Variants in HS6ST3 observed in about 807,000 individuals in gnomAD.
HS6ST3 encodes the protein heparan sulfate 6-O-sulfotransferase 3.
Under a neutral mutation model 36.7 loss-of-function variants are expected in HS6ST3, and 12 were observed. That is an observed-to-expected ratio of 0.33 (90% confidence interval 0.21 to 0.53). The LOEUF (loss-of-function observed/expected upper bound fraction) is 0.53, where lower values mean the gene tolerates loss of function less well. Ranked by LOEUF, HS6ST3 falls within the 20% of genes least tolerant of loss-of-function variation. HS6ST3 has a pLI of 0.95. For synonymous variants in HS6ST3, 240 were observed against 257.5 expected (o/e 0.93, Z 0.65); for missense variants, 584 against 640.9 (o/e 0.91, Z 0.96).
intron 1 of HS6ST3, among the ~76,000 whole-genome samples, chr13:96,615,031 T>C (rs1476597588): frequency 1.3e-5 from 2 of 152,202 alleles, no homozygotes; most frequent in Admixed American, 6.5e-5. Flanking sequence ...ACAAGATATC[T>C]TGGCTTTTTT....
At chr13:96,820,147 C>T (rs1169509318) in intron 1 of HS6ST3, among the ~76,000 whole-genome samples, 6 of 151,410 alleles carry the variant, frequency 4.0e-5, no homozygotes, top group East Asian at 1.9e-4. Flanking sequence ...TAAAAGTGGA[C>T]GAAGAATCTT....
intron 1 of HS6ST3, among the ~76,000 whole-genome samples, chr13:96,688,400 C>T (rs1050454784): frequency 7.2e-5 from 11 of 151,788 alleles, no homozygotes; most frequent in Non-Finnish European, 1.0e-4. Context: ...TATGTGGCTT[C>T]GTCAAGCTGA....
At chr13:96,440,198 G>A (rs111359718) in intron 1 of HS6ST3, among the ~76,000 whole-genome samples, 1,899 of 152,274 alleles carry the variant, frequency 0.012, 51 homozygotes, top group African/African-American at 0.044. Flanking sequence ...TATAATCCCA[G>A]CACTTTGGGA....
intron 1 of HS6ST3, among the ~76,000 whole-genome samples, chr13:96,613,023 A>G (rs2056461738): frequency 6.6e-6 from 1 of 152,110 alleles, no homozygotes; most frequent in African/African-American, 2.4e-5. Context: ...TCCTTCACTG[A>G]TTCAGGTCTC....
chr13:96,225,542 T>G (rs1282960771), intron 1 of HS6ST3, among the ~76,000 whole-genome samples: 1 of 152,234 alleles, frequency 6.6e-6, no homozygotes, highest in Admixed American at 6.5e-5. Context: ...ATTTTATTGA[T>G]GGAGGAGGTA....
intron 1 of HS6ST3, among the ~76,000 whole-genome samples, chr13:96,530,377 T>C (rs572279034): frequency 5.3e-5 from 8 of 152,172 alleles, no homozygotes; most frequent in Non-Finnish European, 8.8e-5. Context: ...AGATTTGCAG[T>C]AGGTTCTGGA....
At chr13:96,732,819 C>T (rs78823004) in intron 1 of HS6ST3, among the ~76,000 whole-genome samples, 2 of 151,764 alleles carry the variant, frequency 1.3e-5, no homozygotes, top group Admixed American at 6.6e-5. Flanking sequence ...TTTGTGACTT[C>T]CATCAACGTT....
At chr13:96,700,352 C>T (rs369743935) in intron 1 of HS6ST3, among the ~76,000 whole-genome samples, 17 of 152,012 alleles carry the variant, frequency 1.1e-4, no homozygotes, top group South Asian at 2.1e-4. Context: ...TGGGGGAAAC[C>T]GCCCCCATGA....
chr13:96,201,018 T>G (rs1330562725), intron 1 of HS6ST3, among the ~76,000 whole-genome samples: 1 of 152,142 alleles, frequency 6.6e-6, no homozygotes, highest in African/African-American at 2.4e-5. Flanking sequence ...ATCTCTGAGA[T>G]TAGAGACACA....
intron 1 of HS6ST3, among the ~76,000 whole-genome samples, chr13:96,426,555 GT>G (rs915247641): frequency 2.0e-5 from 3 of 152,106 alleles, no homozygotes; most frequent in Admixed American, 2.0e-4. Flanking sequence ...TAGCTTGATG[GT>G]TTCCCTTTGC....
chr13:96,558,424 C>T (rs976014771), intron 1 of HS6ST3, among the ~76,000 whole-genome samples: 13 of 152,178 alleles, frequency 8.5e-5, no homozygotes, highest in Non-Finnish European at 1.8e-4. Flanking sequence ...GATTTACTAA[C>T]TTGCCCTAAG....
chr13:96,293,269 C>A (rs1270809521), intron 1 of HS6ST3, among the ~76,000 whole-genome samples: 1 of 152,044 alleles, frequency 6.6e-6, no homozygotes, highest in Admixed American at 6.6e-5. Flanking sequence ...TGCTCCGATA[C>A]CTTGAGTTTG....
chr13:96,315,238 A>G (rs1001277185), intron 1 of HS6ST3, among the ~76,000 whole-genome samples: 40 of 152,188 alleles, frequency 2.6e-4, no homozygotes, highest in African/African-American at 9.4e-4. Context: ...TTGACAACTG[A>G]TATTGGTTGG....
chr13:96,530,934 T>C (rs535896836), intron 1 of HS6ST3, among the ~76,000 whole-genome samples: 2 of 152,324 alleles, frequency 1.3e-5, no homozygotes, highest in African/African-American at 4.8e-5. Context: ...TGATTCTGCA[T>C]TTCTGACAAG....
intron 1 of HS6ST3, among the ~76,000 whole-genome samples, chr13:96,694,919 T>C (rs1289141822): frequency 6.6e-6 from 1 of 152,126 alleles, no homozygotes; most frequent in Non-Finnish European, 1.5e-5. Flanking sequence ...CTCACACTGA[T>C]TTTTACAGCG....
At chr13:96,517,133 C>T (rs2056075803) in intron 1 of HS6ST3, among the ~76,000 whole-genome samples, 1 of 151,978 alleles carries the variant, frequency 6.6e-6, no homozygotes, top group Non-Finnish European at 1.5e-5. Context: ...AATCCCAGCA[C>T]TTTGGGAAGC....
chr13:96,690,543 G>A (rs894390501), intron 1 of HS6ST3, among the ~76,000 whole-genome samples: 2 of 151,974 alleles, frequency 1.3e-5, no homozygotes, highest in Admixed American at 6.6e-5. Context: ...TCATCTCCCG[G>A]GCATGGAAGG....
intron 1 of HS6ST3, among the ~76,000 whole-genome samples, chr13:96,649,890 A>G (rs956585430): frequency 6.6e-6 from 1 of 151,948 alleles, no homozygotes; most frequent in African/African-American, 2.4e-5. Flanking sequence ...TTTTGCTGTG[A>G]TCTTATTTCC....
At chr13:96,276,455 T>C (rs2054748955) in intron 1 of HS6ST3, among the ~76,000 whole-genome samples, 1 of 152,192 alleles carries the variant, frequency 6.6e-6, no homozygotes, top group Non-Finnish European at 1.5e-5. Context: ...CTCAGGTTCT[T>C]ATTGGCTGTG....
Sources: allele counts gnomAD v4.1 joint callset (sites outside exome capture counted in the v4.1 genomes callset), GRCh38; gene constraint gnomAD v4.1.1; transcripts MANE v1.5; gene names NCBI Gene and HGNC (gene_info 2026-07-23, HGNC 2026-07-21).